The following PLCL1 variants were observed in gnomAD, a reference collection of about 807,000 sequenced individuals.
PLCL1 encodes the protein phospholipase C like 1 (inactive).
PLCL1 carries 41 observed loss-of-function variants against 84.4 expected under a neutral mutation model. The observed-to-expected ratio is 0.49, with a 90% CI of 0.38 to 0.63. The LOEUF (loss-of-function observed/expected upper bound fraction) is 0.63. Among genes scored for constraint, PLCL1 ranks in the 30% least tolerant of loss-of-function variants. PLCL1 has a pLI of 0.00. For missense variants in PLCL1, 1,206 were observed against 1,367.8 expected (o/e 0.88, Z 1.87); for synonymous variants, 490 against 488.3 (o/e 1.00, Z -0.05).
chr2:198,104,840 T>C (rs1483993940), intron 5 of PLCL1, among the ~76,000 whole-genome samples: 1 of 152,082 alleles, frequency 6.6e-6, no homozygotes, highest in African/African-American at 2.4e-5. Context: ...TTTTGAAAAG[T>C]GTCTGTTCAC....
At position 198,112,875 on chromosome 2, in the gene PLCL1, G is replaced by A. The variant is rs181337882; in HGVS notation, c.3105+8939G>A. Among the ~76,000 whole-genome samples, 389 of 151,962 alleles carry A rather than the reference G, an allele frequency of 2.6e-3. 7 individuals are homozygous for A. The highest frequency in any genetic ancestry group is 3.1e-4 in the Non-Finnish European group (21 of 67,860). ...CTCAACTCACTTGGAATCTTAGCCA[G>A]CTGCTTTACAATGGATATCATTGAT... On this transcript the variant is annotated intron_variant, in intron 5 of 5. Transcript: ENST00000428675.
intron 1 of PLCL1, among the ~76,000 whole-genome samples, chr2:197,807,916 G>C (rs1044183254): frequency 2.6e-5 from 4 of 152,108 alleles, no homozygotes; most frequent in Non-Finnish European, 4.4e-5. Context: ...AGACTGTCTT[G>C]TATATTAATA....
chr2:198,068,951 C>T (rs1223097770), intron 1 of PLCL1, among the ~76,000 whole-genome samples: 2 of 152,122 alleles, frequency 1.3e-5, no homozygotes, highest in Non-Finnish European at 1.5e-5. Context: ...AGGAGAATGG[C>T]GTGAACCCAG....
rs188894492 is a variant in PLCL1, at chr2:198,082,416, C to G, written c.241-1342C>G. Among the ~76,000 whole-genome samples, 112 of 152,124 alleles carry G rather than the reference C, an allele frequency of 7.4e-4. 3 individuals carry two copies. In the South Asian group the frequency reaches 0.013, roughly 18 times the overall value. ...CTGAAATCACGCCACTGCACTCCAGCCTGGGCAACAGAGCGAGATTCTGTC... is the reference window on the plus strand; with the variant it reads ...CTGAAATCACGCCACTGCACTCCAGGCTGGGCAACAGAGCGAGATTCTGTC... On this transcript the variant is annotated intron_variant, in intron 1 of 5. Transcript: ENST00000428675.
chr2:197,818,935 G>T (rs186940157), intron 1 of PLCL1, among the ~76,000 whole-genome samples: 325 of 152,192 alleles, frequency 2.1e-3, no homozygotes, highest in Non-Finnish European at 3.6e-3. Flanking sequence ...GCTGGGACAG[G>T]GGCTGGTGAG....
chr2:198,021,590 C>T (rs1376613469), intron 1 of PLCL1, among the ~76,000 whole-genome samples: 1 of 152,146 alleles, frequency 6.6e-6, no homozygotes, highest in Non-Finnish European at 1.5e-5. Flanking sequence ...GAAATACAAA[C>T]TACCATCGGA....
At chr2:197,933,509 G>A (rs552473405) in intron 1 of PLCL1, among the ~76,000 whole-genome samples, 23 of 152,126 alleles carry the variant, frequency 1.5e-4, no homozygotes, top group African/African-American at 5.5e-4. Flanking sequence ...TTGCCTCAGA[G>A]CTGGTAGAAA....
At chr2:198,047,033 AT>A (rs1370771815) in intron 1 of PLCL1, among the ~76,000 whole-genome samples, 1 of 152,146 alleles carries the variant, frequency 6.6e-6, no homozygotes, top group African/African-American at 2.4e-5. Flanking sequence ...TTAGTGCCAT[AT>A]AGTTATATGG....
intron 1 of PLCL1, among the ~76,000 whole-genome samples, chr2:198,064,438 A>G (rs191843931): frequency 7.2e-5 from 11 of 152,332 alleles, no homozygotes; most frequent in African/African-American, 2.4e-4. Context: ...GATTTTGTCC[A>G]TATTACCAGT....
intron 1 of PLCL1, among the ~76,000 whole-genome samples, chr2:197,926,066 T>C (rs1416351683): frequency 1.2e-4 from 19 of 152,212 alleles, no homozygotes; most frequent in Non-Finnish European, 2.5e-4. Context: ...TATGAATCCT[T>C]ACTTGCTGCT....
chr2:197,872,011 C>G (rs1687658488), intron 1 of PLCL1, among the ~76,000 whole-genome samples: 2 of 152,146 alleles, frequency 1.3e-5, no homozygotes, highest in Non-Finnish European at 2.9e-5. Flanking sequence ...CTAGTTTGTT[C>G]AGCTGTGCTG....
chr2:198,052,899 G>A (rs911627763), intron 1 of PLCL1, among the ~76,000 whole-genome samples: 1 of 152,160 alleles, frequency 6.6e-6, no homozygotes, highest in African/African-American at 2.4e-5. Context: ...CTGGAGCCTC[G>A]AGATTACAGT....
chr2:197,984,874 T>C (rs968199146), intron 1 of PLCL1, among the ~76,000 whole-genome samples: 3 of 152,116 alleles, frequency 2.0e-5, no homozygotes, highest in African/African-American at 7.2e-5. Context: ...GCCCTATTCA[T>C]CCTTTTGGAT....
chr2:197,975,243 A>T (rs2105800357), intron 1 of PLCL1, among the ~76,000 whole-genome samples: 1 of 149,604 alleles, frequency 6.7e-6, no homozygotes, highest in East Asian at 2.0e-4. Context: ...TGCATAGATT[A>T]TCTCTAAATT....
chr2:198,066,975 C>G (rs944722629), intron 1 of PLCL1, among the ~76,000 whole-genome samples: 2 of 152,096 alleles, frequency 1.3e-5, no homozygotes, highest in South Asian at 2.1e-4. Flanking sequence ...TTTAATATAT[C>G]TTTCTCCTAC....
intron 5 of PLCL1, among the ~76,000 whole-genome samples, chr2:198,145,274 C>A (rs1284890295): frequency 6.6e-6 from 1 of 152,116 alleles, no homozygotes; most frequent in East Asian, 1.9e-4. Context: ...AACAGACTTC[C>A]CAAAGTCTGC....
intron 1 of PLCL1, among the ~76,000 whole-genome samples, chr2:197,888,140 A>T (rs1455178618): frequency 1.3e-5 from 2 of 151,928 alleles, no homozygotes; most frequent in African/African-American, 2.4e-5. Context: ...TTTAATTGAG[A>T]TTGAGCATTT....
At chr2:198,102,452 G>A (rs951039954) in intron 4 of PLCL1, among the ~76,000 whole-genome samples, 2 of 152,016 alleles carry the variant, frequency 1.3e-5, no homozygotes, top group African/African-American at 4.8e-5. Context: ...TTAGCACCAG[G>A]AAAGTTAACG....
intron 1 of PLCL1, among the ~76,000 whole-genome samples, chr2:197,924,837 C>T (rs923151723): frequency 6.6e-6 from 1 of 151,986 alleles, no homozygotes; most frequent in African/African-American, 2.4e-5. Flanking sequence ...GAGTTTTTAA[C>T]GTTACATTTA....
Sources: allele counts gnomAD v4.1 joint callset (sites outside exome capture counted in the v4.1 genomes callset), GRCh38; gene constraint gnomAD v4.1.1; transcripts MANE v1.5; gene names NCBI Gene and HGNC (gene_info 2026-07-23, HGNC 2026-07-21).